Variants in FAM107A observed in about 807,000 individuals in gnomAD.
FAM107A encodes actin-associated protein FAM107A.
A neutral mutation model predicts 13.7 loss-of-function variants in FAM107A; 19 were observed. The observed-to-expected ratio is 1.38, with a 90% confidence interval of 0.97 to 2.03. The LOEUF is 2.03. FAM107A is among the 30% of genes most tolerant of loss of function. The pLI, the probability that FAM107A is intolerant of heterozygous loss-of-function variation, is 0.00. For synonymous variants in FAM107A, 82 were observed against 74.5 expected, an observed-to-expected ratio of 1.10 and a Z score of -0.52; for missense variants, 203 against 184.4, an observed-to-expected ratio of 1.10 and a Z score of -0.58.
chr3:58,623,421 C>T (rs1386921816), intron 1 of FAM107A, among the ~76,000 whole-genome samples: 3 of 152,192 alleles, frequency 2.0e-5, no homozygotes, highest in African/African-American at 4.8e-5. Flanking sequence ...GCTGCCGCCT[C>T]CTGCCCTGCA....
chr3:58,600,199 C>A (rs1433552422), intron 1 of FAM107A, among the ~76,000 whole-genome samples: 4 of 152,128 alleles, frequency 2.6e-5, no homozygotes. Context: ...AGGGGCTTGA[C>A]TGTTTTCTGA....
chr3:58,573,394 A>G (rs1017447518), intron 1 of FAM107A: 3 of 152,322 alleles, frequency 2.0e-5, no homozygotes, highest in African/African-American at 7.2e-5. Flanking sequence ...TCAATAAAGC[A>G]CAGGTGGCAG....
At chr3:58,626,139 G>A (rs1380392570) in intron 1 of FAM107A, among the ~76,000 whole-genome samples, 8 of 152,178 alleles carry the variant, frequency 5.3e-5, no homozygotes, top group African/African-American at 2.4e-5. Context: ...GTACCGGGTC[G>A]TTGTGGTTGG....
intron 1 of FAM107A, among the ~76,000 whole-genome samples, chr3:58,610,412 T>TGG (rs2065842276): frequency 6.6e-6 from 1 of 152,182 alleles, no homozygotes; most frequent in Non-Finnish European, 1.5e-5. Context: ...TCGCTGTCAG[T>TGG]GGTAGAGTCC....
chr3:58,588,306 C>T (rs1029996339), upstream of FAM107A, among the ~76,000 whole-genome samples: 1 of 152,254 alleles, frequency 6.6e-6, no homozygotes, highest in African/African-American at 2.4e-5. Context: ...ACAGTACCAC[C>T]TCCCTTTGCG....
upstream of FAM107A, chr3:58,589,377 G>T (rs2108064059): frequency 2.9e-6 from 2 of 695,132 alleles, no homozygotes; most frequent in Admixed American, 2.4e-5. Context: ...TGAAGGGACT[G>T]GTCAGAGTCA....
chr3:58,590,264 C>T (rs568704996), upstream of FAM107A, among the ~76,000 whole-genome samples: 4 of 152,338 alleles, frequency 2.6e-5, no homozygotes, highest in African/African-American at 9.6e-5. Context: ...CATGGCTCTA[C>T]TCTGACCCTG....
At chr3:58,606,831 C>T (rs1427742962) in intron 1 of FAM107A, among the ~76,000 whole-genome samples, 1 of 152,192 alleles carries the variant, frequency 6.6e-6, no homozygotes, top group African/African-American at 2.4e-5. Context: ...CCCCCAATAC[C>T]TATTTCTCCC....
upstream of FAM107A, chr3:58,589,101 G>A: frequency 1.3e-6 from 1 of 747,376 alleles, no homozygotes; most frequent in Admixed American, 2.2e-5. Flanking sequence ...CAGCTGTGGA[G>A]CAAAGTGGGA....
chr3:58,597,465 A>C (rs896487792), intron 1 of FAM107A, among the ~76,000 whole-genome samples: 1 of 152,186 alleles, frequency 6.6e-6, no homozygotes, highest in Non-Finnish European at 1.5e-5. Flanking sequence ...TTGTCCTTAA[A>C]ATCTGGAGTG....
At chr3:58,625,640 T>C (rs539576769) in intron 1 of FAM107A, among the ~76,000 whole-genome samples, 2 of 152,356 alleles carry the variant, frequency 1.3e-5, no homozygotes, top group South Asian at 2.1e-4. Flanking sequence ...TGAATATGTA[T>C]ATTTGGCCAT....
At chr3:58,579,714 C>G (rs2065508303), upstream of FAM107A, among the ~76,000 whole-genome samples, 1 of 152,160 alleles carries the variant, frequency 6.6e-6, no homozygotes, top group Non-Finnish European at 1.5e-5. Context: ...TCTGACAGCT[C>G]CTGCTCATCC....
chr3:58,605,279 G>C (rs545674053), intron 1 of FAM107A, among the ~76,000 whole-genome samples: 1 of 152,282 alleles, frequency 6.6e-6, no homozygotes, highest in Admixed American at 6.5e-5. Context: ...GCTGCTCTCT[G>C]GTAAGTCTCA....
intron 1 of FAM107A, chr3:58,627,076 G>A: frequency 7.3e-7 from 1 of 1,371,652 alleles, no homozygotes; most frequent in Non-Finnish European, 1.0e-6. Flanking sequence ...TCAGGAGCCA[G>A]GACCCAAGGG....
chr3:58,604,109 G>A lies in FAM107A; in HGVS notation c.-69-14840C>T, dbSNP rs1015034851. ...GTCGGCTGATGAGCAGTTTCCACCTGGGCTTTTGAAGGAGGGAGCCACAAA... is the reference window on the plus strand; with the variant it reads ...GTCGGCTGATGAGCAGTTTCCACCTAGGCTTTTGAAGGAGGGAGCCACAAA... On this transcript the variant is annotated intron_variant, in intron 1 of 3. Coordinates refer to the FAM107A transcript ENST00000465970. This position sits in a 1 kb window ranked among gnomAD's most constrained non-coding sequence, Gnocchi z 4.1. 6.6e-6 allele frequency among the ~76,000 whole-genome samples: 1 copy of A among 151,890 alleles called. No individual in the cohort carries two copies. The highest frequency in any genetic ancestry group is 2.4e-5 in the African/African-American group (1 of 41,334).
upstream of FAM107A, chr3:58,577,528 T>C: frequency 1.0e-6 from 1 of 985,326 alleles, no homozygotes; most frequent in Non-Finnish European, 1.2e-6. This position sits in a 1 kb window ranked among gnomAD's most constrained non-coding sequence, Gnocchi z 4.9. Context: ...GTAACAGATA[T>C]TCCACTTGGT....
At chr3:58,584,662 G>C (rs1018866613) in intron 1 of FAM107A, among the ~76,000 whole-genome samples, 6 of 152,156 alleles carry the variant, frequency 3.9e-5, no homozygotes, top group Non-Finnish European at 7.3e-5. Context: ...GCTTCACGCT[G>C]ACTTCCCAGA....
intron 1 of FAM107A, among the ~76,000 whole-genome samples, chr3:58,621,838 G>T (rs954837468): frequency 5.3e-5 from 8 of 152,236 alleles, no homozygotes; most frequent in African/African-American, 1.9e-4. Context: ...CTGCCCAAGA[G>T]AGTGCTGCCT....
intron 1 of FAM107A, among the ~76,000 whole-genome samples, chr3:58,593,503 C>T (rs1262380741): frequency 6.6e-6 from 1 of 152,180 alleles, no homozygotes; most frequent in Non-Finnish European, 1.5e-5. Flanking sequence ...CAAACAACCA[C>T]CCTTAAGTCT....
Sources: allele counts gnomAD v4.1 joint callset (sites outside exome capture counted in the v4.1 genomes callset), GRCh38; gene constraint gnomAD v4.1.1; non-coding constraint Gnocchi (gnomAD v3.1); transcripts MANE v1.5; gene names NCBI Gene and HGNC (gene_info 2026-07-23, HGNC 2026-07-21).